Variants in AP4E1 observed in about 807,000 individuals in gnomAD.
The protein encoded by AP4E1 is adaptor related protein complex 4 subunit epsilon 1, also known as AP-4 complex subunit epsilon-1.
In AP4E1, 56 loss-of-function variants were observed where a neutral mutation model predicts 128.2. The observed-to-expected ratio is 0.44, with a 90% CI of 0.35 to 0.55. The LOEUF is 0.55. AP4E1 is among the 20% of genes least tolerant of loss of function. The probability of loss-of-function intolerance (pLI) is 0.00; values close to 1 mark genes in which losing one functional copy is unlikely to be tolerated. For missense variants in AP4E1, 1,324 were observed against 1,307.7 expected (o/e 1.01, Z -0.19); for synonymous variants, 484 against 473.1 (o/e 1.02, Z -0.30).
intron 7 of AP4E1, among the ~76,000 whole-genome samples, chr15:50,932,935 T>C (rs2063853778): frequency 6.6e-6 from 1 of 152,212 alleles, no homozygotes; most frequent in Admixed American, 6.5e-5. Flanking sequence ...GTTACTGGAA[T>C]TTATGTTTTA....
intron 15 of AP4E1, among the ~76,000 whole-genome samples, chr15:50,983,481 G>T (rs1477770541): frequency 6.6e-6 from 1 of 152,142 alleles, no homozygotes; most frequent in Non-Finnish European, 1.5e-5. Context: ...GTGGATATTG[G>T]CATCTGTCCT....
Position 50,960,806 on chromosome 15 carries a change from C to T in AP4E1, c.1851+2012C>T, listed in dbSNP as rs986949941. Reference sequence around the variant, plus strand: ...AGACCAGAAATAAACAAAATGGAGACGTAAAAAAGATACAAAAAAAAAAGA... The same window carrying T: ...AGACCAGAAATAAACAAAATGGAGATGTAAAAAAGATACAAAAAAAAAAGA... On this transcript the variant is annotated intron_variant, in intron 14 of 20. Transcript: ENST00000261842. Among the ~76,000 whole-genome samples the T allele has an allele frequency of 1.4e-4, 21 of 146,814 alleles. No individual in the cohort carries two copies. The East Asian group carries it at 1.8e-3, about 13-fold the overall frequency.
chr15:51,005,488 A>G lies in AP4E1; in HGVS notation c.*2826A>G, dbSNP rs2065007952. 3 of 152,672 alleles carry G rather than the reference A, an allele frequency of 2.0e-5. No homozygotes were observed. Among genetic ancestry groups the G allele is most frequent in the African/African-American group, 7.2e-5 (3 of 41,452 alleles). The allele number at this position is 152,672 out of a possible 1,614,324, so 9.5% of individuals were successfully genotyped here. ...GTAAGGGTCCTGCTAGAGAAACTGCAGATGGAAGCTGAGCAGTTACCAACT... is the reference window on the plus strand; with the variant it reads ...GTAAGGGTCCTGCTAGAGAAACTGCGGATGGAAGCTGAGCAGTTACCAACT... On this transcript the variant is annotated 3_prime_UTR_variant, in exon 21 of 21. Transcript: ENST00000261842.
intron 8 of AP4E1, 35 bp from the exon 9 acceptor site, chr15:50,941,407 C>T (rs754922875): frequency 6.2e-7 from 1 of 1,605,342 alleles, no homozygotes; most frequent in East Asian, 2.2e-5. Context: ...TATACCTTAC[C>T]ATGATACCTG....
chr15:50,945,756 A>G lies in AP4E1; in HGVS notation c.1177-2264A>G, dbSNP rs191348135. 7 of 766,944 alleles carry G rather than the reference A, an allele frequency of 9.1e-6. No individual in the cohort carries two copies. The East Asian group carries it at 1.2e-4, about 13-fold the overall frequency. 47.5% of individuals were successfully genotyped at this position (766,944 alleles called of 1,614,324 possible). On this transcript the variant is annotated intron_variant, in intron 10 of 20. Transcript: ENST00000261842. ...CTGAAAAATTTGGTGTGCTTACATC[A>G]TGAGAAAAAGCAGCTAAGGATTATA...
At chr15:50,958,050 G>A (rs1206049368) in intron 13 of AP4E1, among the ~76,000 whole-genome samples, 1 of 151,976 alleles carries the variant, frequency 6.6e-6, no homozygotes, top group African/African-American at 2.4e-5. Flanking sequence ...TATATTCTCG[G>A]GGACCACAGA....
intron 8 of AP4E1, among the ~76,000 whole-genome samples, chr15:50,936,175 G>T (rs2063905966): frequency 1.3e-5 from 2 of 152,104 alleles, no homozygotes; most frequent in Non-Finnish European, 2.9e-5. Context: ...CAGGAATAAG[G>T]GGTCACAGAT....
chr15:50,980,047 G>C (rs868603601), intron 15 of AP4E1, among the ~76,000 whole-genome samples: 1 of 152,196 alleles, frequency 6.6e-6, no homozygotes, highest in Non-Finnish European at 1.5e-5. Flanking sequence ...GATGAGGGCT[G>C]AGAAGAAGAG....
chr15:50,938,719 C>A (rs919155071), intron 8 of AP4E1, among the ~76,000 whole-genome samples: 11 of 152,086 alleles, frequency 7.2e-5, no homozygotes, highest in African/African-American at 2.4e-4. Flanking sequence ...GAGGCCACTC[C>A]CTCATAGTGT....
At chr15:50,990,902 A>G (rs1343110173) in intron 16 of AP4E1, among the ~76,000 whole-genome samples, 6 of 152,164 alleles carry the variant, frequency 3.9e-5, no homozygotes, top group Non-Finnish European at 4.4e-5. Context: ...TATGCAGAAT[A>G]ATTAGGAGTG....
intron 3 of AP4E1, among the ~76,000 whole-genome samples, chr15:50,919,144 C>T (rs1303288080): frequency 6.6e-6 from 1 of 151,954 alleles, no homozygotes; most frequent in South Asian, 2.1e-4. Context: ...GCATGAGAAT[C>T]GCTTGAACCT....
intron 13 of AP4E1, 23 bp from the exon 14 acceptor site, chr15:50,958,469 A>C (rs915201967): frequency 1.3e-6 from 2 of 1,583,070 alleles, no homozygotes; most frequent in Non-Finnish European, 1.7e-6. Context: ...TTCTATATGA[A>C]TATCTCTTTG....
At position 51,003,034 on chromosome 15, in the gene AP4E1, C is replaced by T; in HGVS notation, c.*372C>T. 4.6e-6 allele frequency: 1 copy of T among 215,120 alleles called. No individual in the cohort carries two copies. The highest frequency in any genetic ancestry group is 9.4e-6 in the Non-Finnish European group (1 of 105,850). 13.3% of individuals were successfully genotyped at this position (215,120 alleles called of 1,614,324 possible). On this transcript the variant is annotated 3_prime_UTR_variant, in exon 21 of 21. Coordinates refer to ENST00000261842, the MANE Select transcript of AP4E1 (RefSeq NM_007347.5). ...AATAAAGCCAAGTCTCAGTTTTCTG[C>T]ATTAAATGGAAGGGAGACATGAAAT...
chr15:50,972,342 G>T (rs569583319), intron 15 of AP4E1, among the ~76,000 whole-genome samples: 2 of 152,186 alleles, frequency 1.3e-5, no homozygotes, highest in Admixed American at 1.3e-4. Context: ...CTCCCAAGTA[G>T]CTGGGACTAC....
intron 5 of AP4E1, among the ~76,000 whole-genome samples, chr15:50,925,790 C>T (rs997619548): frequency 7.3e-5 from 10 of 137,250 alleles, no homozygotes; most frequent in Non-Finnish European, 1.1e-4. Flanking sequence ...CCACCATGCC[C>T]GACTAATTTT....
chr15:50,971,280 C>T (rs537161500), intron 15 of AP4E1, among the ~76,000 whole-genome samples: 1 of 152,188 alleles, frequency 6.6e-6, no homozygotes, highest in African/African-American at 2.4e-5. Flanking sequence ...CCCATTTTCT[C>T]CTGGCCTCTA....
chr15:50,949,906 T>G lies in AP4E1; in HGVS notation c.1397T>G (p.Ile466Ser). Residue 466 changes from isoleucine to serine, a missense_variant, in exon 12 of 21, where the codon ATT becomes AGT. Coordinates refer to ENST00000261842, the MANE Select transcript of AP4E1 (RefSeq NM_007347.5). ...GGAGGAGATGTAATGCATCCTGATA[T>G]TCCCAATAACTTTCTGAGACTACTA... is the stretch of plus-strand genomic sequence containing the variant. ...SVGGDVMHPD[I>S]PNNFLRLLAE... 6.2e-7 allele frequency: 1 copy of G among 1,613,722 alleles called. No homozygotes were observed. Among genetic ancestry groups the G allele is most frequent in the Non-Finnish European group, 8.5e-7 (1 of 1,179,720 alleles).
chr15:50,992,224 T>C (rs1360629359), intron 16 of AP4E1, among the ~76,000 whole-genome samples: 3 of 152,070 alleles, frequency 2.0e-5, no homozygotes, highest in Non-Finnish European at 4.4e-5. Flanking sequence ...TAGATACTAG[T>C]CTATGTATTA....
chr15:50,944,807 A>C (rs957117174), intron 10 of AP4E1: 2 of 696,448 alleles, frequency 2.9e-6, no homozygotes, highest in African/African-American at 3.6e-5. Flanking sequence ...ATGCTACCAA[A>C]ATGGAATGAG....
Sources: allele counts gnomAD v4.1 joint callset (sites outside exome capture counted in the v4.1 genomes callset), GRCh38; gene constraint gnomAD v4.1.1; transcripts MANE v1.5; gene names NCBI Gene and HGNC (gene_info 2026-07-23, HGNC 2026-07-21).